CLRN1: variants seen among roughly 807,000 people sequenced by gnomAD.
CLRN1 encodes the protein clarin 1, also known as clarin-1.
In CLRN1, 15 loss-of-function variants were observed where a neutral mutation model predicts 18.7. That is an observed-to-expected ratio of 0.80 (90% CI 0.54 to 1.23). The LOEUF (loss-of-function observed/expected upper bound fraction) is 1.23. Ranked by LOEUF, CLRN1 falls within the 50% of genes most tolerant of loss-of-function variation. The pLI is 0.00. For missense variants in CLRN1, 311 were observed against 277.5 expected, an observed-to-expected ratio of 1.12 and a Z score of -0.86; for synonymous variants, 104 against 102.9, an observed-to-expected ratio of 1.01 and a Z score of -0.07.
chr3:150,963,999 C>T lies in CLRN1; in HGVS notation c.253+8457G>A, dbSNP rs151100474. 7.9e-5 allele frequency among the ~76,000 whole-genome samples: 12 copies of T among 152,202 alleles called. No homozygotes were observed. In the East Asian group the frequency reaches 1.4e-3, roughly 17 times the overall value. ...TAGGCATTACCATTCAGGACATAGG[C>T]GTGGGCAAAGACTTCATGACTAAAC... On this transcript the variant is annotated intron_variant, in intron 1 of 2. Coordinates refer to ENST00000327047, the MANE Select transcript of CLRN1 (RefSeq NM_174878.3).
intron 1 of CLRN1, among the ~76,000 whole-genome samples, chr3:150,957,629 GTT>G (rs892419506): frequency 9.9e-5 from 15 of 152,212 alleles, no homozygotes; most frequent in African/African-American, 3.6e-4. Context: ...TCATATTAGT[GTT>G]TTCTAGGACA....
chr3:150,933,667 G>A (rs1456133), intron 2 of CLRN1, among the ~76,000 whole-genome samples: 87,725 of 151,964 alleles, frequency 0.58, 27,024 homozygotes, highest in East Asian at 0.69. Flanking sequence ...AAGAGAAGAC[G>A]TACATTCTGA....
At chr3:150,960,768 T>C (rs1175297727) in intron 1 of CLRN1, among the ~76,000 whole-genome samples, 1 of 152,036 alleles carries the variant, frequency 6.6e-6, no homozygotes, top group Non-Finnish European at 1.5e-5. Flanking sequence ...CAGATGGAGG[T>C]CAAAAGTTAA....
chr3:150,956,645 A>G (rs912629336), intron 1 of CLRN1, among the ~76,000 whole-genome samples: 5 of 152,166 alleles, frequency 3.3e-5, no homozygotes, highest in Admixed American at 3.3e-4. Flanking sequence ...AAACAGTGAT[A>G]GGGATGCTCT....
Position 150,941,684 on chromosome 3 carries a change from A to G in CLRN1, c.331T>C (p.Leu111=). Residue 111 remains leucine (L), a synonymous_variant, in exon 2 of 3, where the codon TTA becomes CTA. Coordinates refer to ENST00000327047, the MANE Select transcript of CLRN1 (RefSeq NM_174878.3). ...AAGAAGGCTGTCCCCACCATGGTTA[A>G]CACAATAAGGATGGCAGAGAAGAGA... ...VILFSAILIV[L]TMVGTAFFMY... The G allele has an allele frequency of 6.2e-7, 1 of 1,614,072 alleles. No individual in the cohort carries two copies. The highest frequency in any genetic ancestry group is 8.5e-7 in the Non-Finnish European group (1 of 1,179,944).
At chr3:150,967,239 A>T (rs4679720) in intron 1 of CLRN1, among the ~76,000 whole-genome samples, 2,233 of 152,280 alleles carry the variant, frequency 0.015, 84 homozygotes, top group East Asian at 0.1. Context: ...CACATTCTCA[A>T]ATATTTATAA....
chr3:150,972,831 G>T, upstream of CLRN1: 1 of 1,374,618 alleles, frequency 7.3e-7, no homozygotes, highest in Non-Finnish European at 1.0e-6. Flanking sequence ...AGCTGAAAAG[G>T]CAACTTCACC....
intron 2 of CLRN1, among the ~76,000 whole-genome samples, chr3:150,934,122 A>G (rs1241672108): frequency 6.6e-6 from 1 of 152,100 alleles, no homozygotes; most frequent in Non-Finnish European, 1.5e-5. Context: ...TTTCACCACC[A>G]ATTACAGAAT....
chr3:150,950,843 G>A (rs1489086350), intron 1 of CLRN1, among the ~76,000 whole-genome samples: 2 of 152,110 alleles, frequency 1.3e-5, no homozygotes, highest in East Asian at 1.9e-4. Context: ...ACAAGCACAC[G>A]AATGTTCGTT....
intron 1 of CLRN1, among the ~76,000 whole-genome samples, chr3:150,967,193 C>G (rs1009019765): frequency 1.3e-5 from 2 of 152,088 alleles, no homozygotes; most frequent in African/African-American, 4.8e-5. Context: ...ACAGCTCCTG[C>G]CTTCTTGGGG....
intron 2 of CLRN1, among the ~76,000 whole-genome samples, chr3:150,931,502 G>A (rs553976171): frequency 4.6e-5 from 7 of 152,256 alleles, no homozygotes; most frequent in East Asian, 3.9e-4. Context: ...AATTGACTTC[G>A]TAAATAGCCC....
At chr3:150,942,604 T>A (rs1339361818) in intron 1 of CLRN1, 2 of 455,594 alleles carry the variant, frequency 4.4e-6, no homozygotes, top group Non-Finnish European at 8.8e-6. Flanking sequence ...TAAAACAAGA[T>A]GGACAAGATT....
upstream of CLRN1, chr3:150,972,888 C>T: frequency 1.3e-6 from 1 of 786,656 alleles, no homozygotes; most frequent in Non-Finnish European, 2.2e-6. Context: ...AAGGCCTCAT[C>T]ATCACTCATA....
chr3:150,947,921 T>C (rs1559985746), intron 1 of CLRN1, among the ~76,000 whole-genome samples: 1 of 152,200 alleles, frequency 6.6e-6, no homozygotes. Context: ...GTTAAATTTA[T>C]AGCACTAAAT....
At chr3:150,962,607 A>G (rs912535162) in intron 1 of CLRN1, among the ~76,000 whole-genome samples, 38 of 152,178 alleles carry the variant, frequency 2.5e-4, no homozygotes, top group African/African-American at 4.8e-5. Flanking sequence ...ATGCCACCTC[A>G]GGAAAGAGTC....
intron 1 of CLRN1, among the ~76,000 whole-genome samples, chr3:150,952,838 G>A (rs1714561395): frequency 6.6e-6 from 1 of 152,190 alleles, no homozygotes; most frequent in African/African-American, 2.4e-5. Context: ...ATGTGGAGCA[G>A]TTTAATTCTT....
At chr3:150,957,522 G>A (rs1714803977) in intron 1 of CLRN1, among the ~76,000 whole-genome samples, 1 of 152,152 alleles carries the variant, frequency 6.6e-6, no homozygotes, top group Non-Finnish European at 1.5e-5. Flanking sequence ...ATTTAGGCCT[G>A]TTGACTGTTA....
At chr3:150,957,282 C>T (rs1158192321) in intron 1 of CLRN1, among the ~76,000 whole-genome samples, 3 of 151,822 alleles carry the variant, frequency 2.0e-5, no homozygotes, top group East Asian at 3.9e-4. Context: ...CCACCCCACC[C>T]GAAGCCTGGC....
intron 1 of CLRN1, chr3:150,945,714 T>C: frequency 9.0e-7 from 1 of 1,107,446 alleles, no homozygotes; most frequent in South Asian, 1.5e-5. Flanking sequence ...ATTAAAACTT[T>C]GAGATACCAT....
Sources: allele counts gnomAD v4.1 joint callset (sites outside exome capture counted in the v4.1 genomes callset), GRCh38; gene constraint gnomAD v4.1.1; transcripts MANE v1.5; gene names NCBI Gene and HGNC (gene_info 2026-07-23, HGNC 2026-07-21).